The following RSRP1 variants were observed in gnomAD, a reference collection of about 807,000 sequenced individuals.
RSRP1 encodes arginine and serine rich protein 1.
RSRP1 carries 37 observed loss-of-function variants against 33.0 expected under a neutral mutation model. The observed-to-expected ratio is 1.12, with a 90% CI of 0.86 to 1.48. The LOEUF is 1.48. Ranked by LOEUF, RSRP1 falls within the 40% of genes most tolerant of loss-of-function variation. The pLI is 0.00. For missense variants in RSRP1, 402 were observed against 385.3 expected (o/e 1.04, Z -0.36); for synonymous variants, 167 against 158.7 (o/e 1.05, Z -0.40).
rs1254923447 is a variant in RSRP1 at position 25,322,861 on chromosome 1, G to A, written c.-67+15117C>T. Among the ~76,000 whole-genome samples, 28 of 127,716 alleles carry A rather than the reference G, an allele frequency of 2.2e-4. 9 individuals carry two copies. The highest frequency in any genetic ancestry group is 5.0e-4 in the Non-Finnish European group (27 of 54,172). The allele number at this position is 127,716 out of a possible 152,430, so 83.8% of individuals were successfully genotyped here. A position where few individuals can be genotyped will look rare whatever the true frequency, so the allele number is the denominator to read the frequency against. The stretch of plus-strand genomic sequence containing the variant: ...CTTTTATACCTTGGTTTAGAAAGGG[G>A]AGCGGGAATTGAGCTGAAGCAATCT... On this transcript the variant is annotated intron_variant, in intron 1 of 1. Coordinates refer to the RSRP1 transcript ENST00000561867.
chr1:25,268,669 C>T lies in RSRP1; in HGVS notation c.-66-21640G>A, dbSNP rs1640400318. Among the ~76,000 whole-genome samples the T allele has an allele frequency of 2.3e-5, 3 of 129,970 alleles. 1 individual carries two copies. Among genetic ancestry groups the T allele is most frequent in the African/African-American group, 5.3e-5 (2 of 38,070 alleles). The allele number at this position is 129,970 out of a possible 152,430, so 85.3% of individuals were successfully genotyped here. ...CCTTTTAAATAGGGCAGTCAGAGGC[C>T]GGGCACAGTGGTTCACACCTATAAT... On this transcript the variant is annotated intron_variant, in intron 1 of 1. Coordinates refer to the RSRP1 transcript ENST00000561867.
At position 25,242,546 on chromosome 1, in the gene RSRP1, A is replaced by G. The variant is rs746552405; in HGVS notation, c.*43T>C. On this transcript the variant is annotated 3_prime_UTR_variant, in exon 5 of 5. Transcript: ENST00000243189. ...AATGCTAGAAACACTAACTTGCAAT[A>G]AAGTGCAGTTTTCATGCAAACTTAG... The G allele has an allele frequency of 1.6e-6, 2 of 1,220,538 alleles. No individual in the cohort carries two copies. The highest frequency in any genetic ancestry group is 1.5e-5 in the African/African-American group (1 of 66,078). 75.6% of individuals were successfully genotyped at this position (1,220,538 alleles called of 1,614,324 possible).
Position 25,292,679 on chromosome 1 carries a change from CA to C in RSRP1, c.-67+45298del, listed in dbSNP as rs1642617420. Among the ~76,000 whole-genome samples the C allele has an allele frequency of 1.6e-5, 2 of 128,496 alleles. 1 individual carries two copies. Among genetic ancestry groups the C allele is most frequent in the South Asian group, 4.8e-4 (2 of 4,152 alleles). 84.3% of individuals were successfully genotyped at this position (128,496 alleles called of 152,430 possible). Reference sequence around the variant, plus strand: ...AGGGGGGGTAGAGATGTGTATGAAACATCCCAGTGGAGACACTGAATGGAGA... The same window carrying C: ...AGGGGGGGTAGAGATGTGTATGAAACTCCCAGTGGAGACACTGAATGGAGA... On this transcript the variant is annotated intron_variant, in intron 1 of 1. Transcript: ENST00000561867.
At chr1:25,261,277 T>A (rs1640135504) in intron 1 of RSRP1, among the ~76,000 whole-genome samples, 1 of 152,228 alleles carries the variant, frequency 6.6e-6, no homozygotes, top group Admixed American at 6.5e-5. Context: ...CAGTAGTCAT[T>A]AACGGACAAT....
intron 1 of RSRP1, among the ~76,000 whole-genome samples, chr1:25,259,740 A>G (rs955916010): frequency 1.4e-5 from 2 of 148,112 alleles, no homozygotes; most frequent in African/African-American, 5.0e-5. Flanking sequence ...TCTTGGCCTC[A>G]TGATCAGCCT....
chr1:25,320,123 C>T (rs1341245168), intron 1 of RSRP1, among the ~76,000 whole-genome samples: 2 of 131,292 alleles, frequency 1.5e-5, no homozygotes, highest in African/African-American at 5.2e-5. Context: ...GTCTCGAACT[C>T]CTGACCTCAG....
At chr1:25,261,716 T>TC (rs1478505162) in intron 1 of RSRP1, among the ~76,000 whole-genome samples, 1 of 146,158 alleles carries the variant, frequency 6.8e-6, no homozygotes, top group East Asian at 2.0e-4. Flanking sequence ...TTTTTTTTTT[T>TC]TTTTTTTTTT....
intron 1 of RSRP1, among the ~76,000 whole-genome samples, chr1:25,284,071 T>A (rs901865813): frequency 3.7e-5 from 5 of 135,188 alleles, no homozygotes; most frequent in East Asian, 1.9e-4. Context: ...GATTATGTGG[T>A]TCCCAACAAC....
chr1:25,277,209 C>A (rs1641090296), intron 1 of RSRP1, among the ~76,000 whole-genome samples: 1 of 132,612 alleles, frequency 7.5e-6, no homozygotes, highest in Non-Finnish European at 1.8e-5. Flanking sequence ...AGACTCAAGG[C>A]TGTATGACAT....
intron 1 of RSRP1, among the ~76,000 whole-genome samples, chr1:25,288,994 C>T (rs1215598393): frequency 1.5e-5 from 2 of 134,064 alleles, no homozygotes; most frequent in South Asian, 2.3e-4. Context: ...GAGGCTTAAG[C>T]GGGCATAGTC....
intron 1 of RSRP1, among the ~76,000 whole-genome samples, chr1:25,287,311 C>T (rs1187295252): frequency 7.5e-6 from 1 of 134,000 alleles, no homozygotes; most frequent in East Asian, 1.9e-4. Context: ...GGGCTGCTCC[C>T]CTCATCTGAT....
intron 1 of RSRP1, among the ~76,000 whole-genome samples, chr1:25,256,545 C>T (rs1391039693): frequency 2.0e-5 from 3 of 152,198 alleles, no homozygotes; most frequent in Non-Finnish European, 4.4e-5. Context: ...CAGCCTCAAC[C>T]TTCCAGGCTC....
rs1641475704 is a variant in RSRP1 at position 25,281,366 on chromosome 1, T to G, written c.-66-34337A>C. Among the ~76,000 whole-genome samples the G allele has an allele frequency of 2.3e-5, 3 of 131,386 alleles. 1 individual carries two copies. The highest frequency in any genetic ancestry group is 5.4e-5 in the Non-Finnish European group (3 of 55,926). 86.2% of individuals were successfully genotyped at this position (131,386 alleles called of 152,430 possible). On this transcript the variant is annotated intron_variant, in intron 1 of 1. Coordinates refer to the RSRP1 transcript ENST00000561867. ...TCACAGGCTCTCTCTGGTCCCCTTC[T>G]GTAAAATGAGAGGAAAATGGAAGAA... is the stretch of plus-strand genomic sequence containing the variant.
intron 1 of RSRP1, among the ~76,000 whole-genome samples, chr1:25,282,909 C>G (rs1007566662): frequency 7.6e-6 from 1 of 130,916 alleles, no homozygotes; most frequent in African/African-American, 2.6e-5. Flanking sequence ...AAAAAATTGT[C>G]TACATGCTGG....
At chr1:25,289,700 A>T (rs1246234930) in intron 1 of RSRP1, among the ~76,000 whole-genome samples, 1 of 126,570 alleles carries the variant, frequency 7.9e-6, no homozygotes, top group African/African-American at 2.7e-5. Context: ...TCCTCCAGGA[A>T]GTCCTCCCTG....
rs192120870 is a variant in RSRP1 at position 25,291,005 on chromosome 1, C to G, written c.-66-43976G>C. Among the ~76,000 whole-genome samples, 11 of 130,602 alleles carry G rather than the reference C, an allele frequency of 8.4e-5. 3 individuals are homozygous for G. Among genetic ancestry groups the G allele is most frequent in the Non-Finnish European group, 2.0e-4 (11 of 55,282 alleles). The allele number at this position is 130,602 out of a possible 152,430, so 85.7% of individuals were successfully genotyped here. ...AAAAAGTAATTTTTTCTAAATTATC[C>G]AGTTGTGGTGGCATGCACCTGTAGT... On this transcript the variant is annotated intron_variant, in intron 1 of 1. Coordinates refer to the RSRP1 transcript ENST00000561867.
In RSRP1 at chr1:25,245,147, T is replaced by C. The variant is rs1297464647; in HGVS notation, c.672+3A>G. 2 of 1,614,100 alleles carry C rather than the reference T, an allele frequency of 1.2e-6. No homozygotes were observed. Among genetic ancestry groups the C allele is most frequent in the South Asian group, 1.1e-5 (1 of 91,088 alleles). ...TTTGTTCCGACAAACCTAGAATACT[T>C]ACTTCAGGCTTTGCACCATTACTTG... On this transcript the variant is annotated splice_donor_region_variant and intron_variant, in intron 3 of 4. Transcript: ENST00000243189.
chr1:25,242,511 G>T lies in RSRP1; in HGVS notation c.*78C>A. 1.1e-6 allele frequency: 1 copy of T among 870,146 alleles called. No homozygotes were observed. Among genetic ancestry groups the T allele is most frequent in the Non-Finnish European group, 1.8e-6 (1 of 542,004 alleles). 53.9% of individuals were successfully genotyped at this position (870,146 alleles called of 1,614,324 possible). On this transcript the variant is annotated 3_prime_UTR_variant, in exon 5 of 5. Coordinates refer to ENST00000243189, the MANE Select transcript of RSRP1 (RefSeq NM_020317.5). ...CACAAGTACCCCTGAATGGCTCAAA[G>T]GGATGGGATAATGCTAGAAACACTA...
At position 25,242,610 on chromosome 1, in the gene RSRP1, A is replaced by C. The variant is rs1638927534; in HGVS notation, c.852T>G (p.Tyr284Ter). 1 of 1,610,944 alleles carries C rather than the reference A, an allele frequency of 6.2e-7. No individual in the cohort carries two copies. Residue 284 changes from tyrosine to a stop codon, truncating the protein, a stop_gained, in exon 5 of 5, where the codon TAT becomes TAG. Coordinates refer to ENST00000243189, the MANE Select transcript of RSRP1 (RefSeq NM_020317.5). LOFTEE classifies it high-confidence loss of function. ...TCTTTTAGATAGGTATCCACAGTCC[A>C]TATGGACTTTTTTTCTGATCTATTT... ...SPKIDQKKSP[Y>*]GLWIPI
Sources: allele counts gnomAD v4.1 joint callset (sites outside exome capture counted in the v4.1 genomes callset), GRCh38; gene constraint gnomAD v4.1.1; transcripts MANE v1.5; gene names NCBI Gene and HGNC (gene_info 2026-07-23, HGNC 2026-07-21).